The following APOBEC3B variants were observed in gnomAD, a reference collection of about 807,000 sequenced individuals.
The protein encoded by APOBEC3B is DNA dC->dU-editing enzyme APOBEC-3B.
A neutral mutation model predicts 53.4 loss-of-function variants in APOBEC3B; 29 were observed. The observed-to-expected ratio is 0.54, with a 90% CI of 0.40 to 0.74. APOBEC3B has a LOEUF of 0.74. Ranked by LOEUF, APOBEC3B falls within the 30% of genes least tolerant of loss-of-function variation. The pLI, the probability that APOBEC3B is intolerant of heterozygous loss-of-function variation, is 0.00. For synonymous variants in APOBEC3B, 132 were observed against 184.8 expected (o/e 0.71, Z 2.32); for missense variants, 347 against 496.2 (o/e 0.70, Z 2.86).
intron 4 of APOBEC3B, among the ~76,000 whole-genome samples, chr22:38,988,755 T>TG (rs1923872913): frequency 7.2e-6 from 1 of 139,388 alleles, no homozygotes; most frequent in African/African-American, 2.7e-5. Context: ...CTTCCTTTCT[T>TG]CTCTCTCGTC....
Position 38,989,685 on chromosome 22 carries a change from T to G in APOBEC3B, c.723+75T>G. On this transcript the variant is annotated intron_variant, in intron 5 of 7. Coordinates refer to ENST00000333467, the MANE Select transcript of APOBEC3B (RefSeq NM_004900.5). Reference sequence around the variant, plus strand: ...ACACTCATAGATAGAAGGTTCTGGGTGGTGCCTGTGGTTTCCTGCAGTGTT... The same window carrying G: ...ACACTCATAGATAGAAGGTTCTGGGGGGTGCCTGTGGTTTCCTGCAGTGTT... 2 of 1,356,132 alleles carry G rather than the reference T, an allele frequency of 1.5e-6. 1 individual carries two copies. Among genetic ancestry groups the G allele is most frequent in the Admixed American group, 5.0e-5 (2 of 40,232 alleles). 84.0% of individuals were successfully genotyped at this position (1,356,132 alleles called of 1,614,324 possible).
chr22:38,991,925 G>C, intron 6 of APOBEC3B, 109 bp from the exon 7 acceptor site: 1 of 1,425,922 alleles, frequency 7.0e-7, no homozygotes, highest in South Asian at 1.5e-5. Context: ...GAGAGGGAAA[G>C]GAGGGACTGA....
In APOBEC3B at chr22:38,988,730, T is replaced by TC. The variant is rs1569039130; in HGVS notation, c.570-727_570-726insC. Among the ~76,000 whole-genome samples, 29 of 137,104 alleles carry TC rather than the reference T, an allele frequency of 2.1e-4. 2 individuals carry two copies. The highest frequency in any genetic ancestry group is 7.8e-4 in the African/African-American group (28 of 36,086). The allele number at this position is 137,104 out of a possible 152,430, so 89.9% of individuals were successfully genotyped here. A position where few individuals can be genotyped will look rare whatever the true frequency, so the allele number is the denominator to read the frequency against. On this transcript the variant is annotated intron_variant, in intron 4 of 7. Transcript: ENST00000333467. ...CTTTCTTTCTTTCTTTCTTTCTTTC[T>TC]TTCTTTCTTTCTTTCTTCCTTTCTT...
intron 1 of APOBEC3B, among the ~76,000 whole-genome samples, chr22:38,983,133 A>AT (rs1195147859): frequency 6.8e-6 from 1 of 148,044 alleles, no homozygotes; most frequent in Non-Finnish European, 1.5e-5. Context: ...CCTGGCCCAT[A>AT]TGGTGAAACC....
Position 38,992,147 on chromosome 22 carries a change from C to T in APOBEC3B, c.1132C>T (p.Gln378Ter). Residue 378 changes from glutamine to a stop codon, truncating the protein, a stop_gained and splice_region_variant, in exon 7 of 8, where the codon CAG becomes TAG. Coordinates refer to ENST00000333467, the MANE Select transcript of APOBEC3B (RefSeq NM_004900.5). LOFTEE classifies it high-confidence loss of function. The part of the protein sequence containing the change: ...ALSGRLRAIL[Q>*]NQGN The stretch of plus-strand genomic sequence containing the variant: ...GAGTGGGAGGCTGCGGGCCATTCTC[C>T]AGGTGAGGGCTTCCTCCCTCTGCCT... The T allele has an allele frequency of 6.3e-7, 1 of 1,592,264 alleles. No individual in the cohort carries two copies. The highest frequency in any genetic ancestry group is 8.5e-7 in the Non-Finnish European group (1 of 1,172,324).
intron 5 of APOBEC3B, among the ~76,000 whole-genome samples, chr22:38,990,053 G>A (rs1923929635): frequency 7.5e-6 from 1 of 133,366 alleles, no homozygotes; most frequent in African/African-American, 2.8e-5. Context: ...CAGGTCCCAT[G>A]TCAGGATGCA....
At chr22:38,987,528 AG>A (rs1923791263) in intron 4 of APOBEC3B, among the ~76,000 whole-genome samples, 1 of 148,730 alleles carries the variant, frequency 6.7e-6, no homozygotes, top group Non-Finnish European at 1.5e-5. Flanking sequence ...ATTGAACCAA[AG>A]GATGATTGGA....
chr22:38,991,947 G>A, intron 6 of APOBEC3B, 87 bp from the exon 7 acceptor site: 2 of 1,451,660 alleles, frequency 1.4e-6, no homozygotes, highest in Non-Finnish European at 1.8e-6. Flanking sequence ...ACCAGGATGT[G>A]GGAAGTCTGT....
Position 38,992,585 on chromosome 22 carries a change from A to T in APOBEC3B, c.*140A>T. ...ACACCAGCAAAGCAATGTGCTCCTG[A>T]TCAAGTAGATTTTTTAAAAATCAGA... On this transcript the variant is annotated 3_prime_UTR_variant, in exon 8 of 8. Transcript: ENST00000333467. 1.9e-6 allele frequency: 3 copies of T among 1,568,280 alleles called. No homozygotes were observed. Among genetic ancestry groups the T allele is most frequent in the Admixed American group, 3.9e-5 (2 of 51,344 alleles).
chr22:38,982,387 A>T lies in APOBEC3B; in HGVS notation c.-67A>T. On this transcript the variant is annotated 5_prime_UTR_variant, in exon 1 of 8. Coordinates refer to ENST00000333467, the MANE Select transcript of APOBEC3B (RefSeq NM_004900.5). ...GTCCAACTGCAAGGACGCTGTAAGC[A>T]GGAAGTGAAACCACAGAGCTTCAAA... is the stretch of plus-strand genomic sequence containing the variant. 6.3e-7 allele frequency: 1 copy of T among 1,581,604 alleles called. No individual in the cohort carries two copies. The highest frequency in any genetic ancestry group is 8.6e-7 in the Non-Finnish European group (1 of 1,162,640).
chr22:38,989,765 C>CT (rs1251462874), intron 5 of APOBEC3B, among the ~76,000 whole-genome samples, 155 bp downstream of exon 5: 9 of 148,384 alleles, frequency 6.1e-5, no homozygotes, highest in Non-Finnish European at 1.3e-4. Context: ...TGGGGGGAGA[C>CT]TTTGGCTTCA....
chr22:38,986,854 G>C (rs1489359415), intron 4 of APOBEC3B, among the ~76,000 whole-genome samples: 1 of 148,510 alleles, frequency 6.7e-6, no homozygotes, highest in Non-Finnish European at 1.5e-5. Flanking sequence ...CTCCAATGGT[G>C]GCCTCTGAGT....
At position 38,984,230 on chromosome 22, in the gene APOBEC3B, A is replaced by C. The variant is rs200682782; in HGVS notation, c.173A>C (p.Gln58Pro). ...LLWDTGVFRGQVYFKPQYHAE... is the reference protein window; with the variant it reads ...LLWDTGVFRGPVYFKPQYHAE... Reference sequence around the variant, plus strand: ...TGGGACACAGGGGTCTTTCGAGGCCAGGTACCACCCAAACTTCAATCGAAT... The same window carrying C: ...TGGGACACAGGGGTCTTTCGAGGCCCGGTACCACCCAAACTTCAATCGAAT... Residue 58 changes from glutamine (Q) to proline (P), a missense_variant and splice_region_variant, in exon 2 of 8, where the codon CAG becomes CCG. By Grantham distance (76) the Gln-to-Pro change is moderately conservative (BLOSUM62 -1). Around this residue, in one of 5 missense-constraint regions of APOBEC3B, gnomAD observed 73 missense variants for 90.9 expected, o/e 0.80. Coordinates refer to ENST00000333467, the MANE Select transcript of APOBEC3B (RefSeq NM_004900.5). 1.4e-4 allele frequency: 218 copies of C among 1,591,434 alleles called. 9 individuals are homozygous for C. The highest frequency in any genetic ancestry group is 4.0e-4 in the South Asian group (35 of 88,480).
chr22:38,983,824 TG>T (rs1923626238), intron 1 of APOBEC3B, among the ~76,000 whole-genome samples: 1 of 148,406 alleles, frequency 6.7e-6, no homozygotes, highest in African/African-American at 2.5e-5. Flanking sequence ...ACTAGGAGGG[TG>T]GGGAATGTAC....
intron 6 of APOBEC3B, 125 bp from the exon 7 acceptor site, chr22:38,991,909 G>A: frequency 7.2e-7 from 1 of 1,385,778 alleles, no homozygotes; most frequent in Non-Finnish European, 9.5e-7. Context: ...AAGTCCCTAG[G>A]GGAGGGAGAG....
chr22:38,985,542 C>A (rs1923699225), intron 2 of APOBEC3B, among the ~76,000 whole-genome samples: 1 of 148,788 alleles, frequency 6.7e-6, no homozygotes, highest in East Asian at 2.3e-4. Context: ...CCTTGAATAA[C>A]CACAGCAGTG....
chr22:38,988,687 T>TTTCTCTC (rs1491021212), intron 4 of APOBEC3B, among the ~76,000 whole-genome samples: 3 of 45,194 alleles, frequency 6.6e-5, no homozygotes, highest in South Asian at 8.5e-4. Context: ...CTCTTTCTCT[T>TTTCTCTC]TCTTTCTTTC....
intron 5 of APOBEC3B, among the ~76,000 whole-genome samples, chr22:38,990,546 T>A (rs1350457490): frequency 1.4e-5 from 2 of 147,848 alleles, no homozygotes; most frequent in African/African-American, 2.5e-5. Context: ...TTTCTATAAG[T>A]CAAAATAATG....
intron 4 of APOBEC3B, among the ~76,000 whole-genome samples, chr22:38,988,672 T>TC (rs1299227197): frequency 9.7e-5 from 1 of 10,264 alleles, no homozygotes; most frequent in African/African-American, 9.2e-4. Context: ...TTCCTCTCTC[T>TC]TTCTCTCTTT....
Sources: allele counts gnomAD v4.1 joint callset (sites outside exome capture counted in the v4.1 genomes callset), GRCh38; gene constraint gnomAD v4.1.1; regional missense constraint gnomAD v4.1.1; transcripts MANE v1.5; gene names NCBI Gene and HGNC (gene_info 2026-07-23, HGNC 2026-07-21).